SLC9A9: variants seen among roughly 807,000 people sequenced by gnomAD.
SLC9A9 encodes sodium/hydrogen exchanger 9.
In SLC9A9, 62 loss-of-function variants were observed where a neutral mutation model predicts 77.8. That is an observed-to-expected ratio of 0.80 (90% CI 0.65 to 0.98). The LOEUF is 0.98. Ranked by LOEUF, SLC9A9 falls within the 50% of genes least tolerant of loss-of-function variation. The pLI is 0.00. For synonymous variants in SLC9A9, 320 were observed against 283.5 expected, an observed-to-expected ratio of 1.13 and a Z score of -1.29; for missense variants, 775 against 774.9, an observed-to-expected ratio of 1.00 and a Z score of 0.00.
At chr3:143,555,606 T>C (rs1576574409) in intron 8 of SLC9A9, among the ~76,000 whole-genome samples, 2 of 152,342 alleles carry the variant, frequency 1.3e-5, no homozygotes, top group Middle Eastern at 3.4e-3. Context: ...TTTCTGCCTA[T>C]ATTAGACCAT....
chr3:143,786,710 G>T (rs894308434), intron 4 of SLC9A9, among the ~76,000 whole-genome samples: 2 of 152,142 alleles, frequency 1.3e-5, no homozygotes, highest in African/African-American at 4.8e-5. Context: ...TTATTTGGCT[G>T]TGTCAGGGCA....
intron 12 of SLC9A9, among the ~76,000 whole-genome samples, chr3:143,461,988 T>C (rs1255917527): frequency 1.3e-5 from 2 of 152,316 alleles, no homozygotes; most frequent in Non-Finnish European, 2.9e-5. Context: ...TAAAACTTTG[T>C]AGCCAATGGG....
intron 12 of SLC9A9, among the ~76,000 whole-genome samples, chr3:143,398,816 AAC>A (rs949035096): frequency 6.6e-6 from 1 of 152,208 alleles, no homozygotes; most frequent in African/African-American, 2.4e-5. Flanking sequence ...TGGGATATAT[AAC>A]AGTTGCCAAA....
At chr3:143,662,470 C>T (rs1343067506) in intron 5 of SLC9A9, among the ~76,000 whole-genome samples, 2 of 152,160 alleles carry the variant, frequency 1.3e-5, no homozygotes, top group Non-Finnish European at 2.9e-5. Context: ...TGGGCGCAGC[C>T]CACAGAGTGT....
At chr3:143,705,846 C>A (rs2108792515) in intron 4 of SLC9A9, among the ~76,000 whole-genome samples, 1 of 152,286 alleles carries the variant, frequency 6.6e-6, no homozygotes, top group Admixed American at 6.5e-5. Context: ...GTATACTTTA[C>A]TAGGTCCATG....
chr3:143,817,297 C>T (rs903975893), intron 2 of SLC9A9, among the ~76,000 whole-genome samples: 11 of 150,590 alleles, frequency 7.3e-5, no homozygotes, highest in South Asian at 2.1e-4. Context: ...TACAGGCGCC[C>T]GCCACCGCGC....
intron 4 of SLC9A9, among the ~76,000 whole-genome samples, chr3:143,702,873 G>A (rs1933845066): frequency 6.6e-6 from 1 of 151,970 alleles, no homozygotes; most frequent in Admixed American, 6.6e-5. Context: ...AAAATAAAGG[G>A]ATGGAAAAAG....
At chr3:143,697,358 C>A (rs959118242) in intron 4 of SLC9A9, among the ~76,000 whole-genome samples, 1 of 152,006 alleles carries the variant, frequency 6.6e-6, no homozygotes, top group Admixed American at 6.6e-5. Flanking sequence ...ATGACTCCTC[C>A]TTTTTGCTTT....
chr3:143,596,999 CT>C lies in SLC9A9; in HGVS notation c.756-18277del, dbSNP rs903641156. Among the ~76,000 whole-genome samples the C allele has an allele frequency of 1.3e-3, 197 of 151,694 alleles. 2 individuals are homozygous for C. Among genetic ancestry groups the C allele is most frequent in the African/African-American group, 4.4e-3 (180 of 41,358 alleles). Reference sequence around the variant, plus strand: ...GTCTTAAACATATGTCACGGTAAATCTTTTTTTTTCTTCTATGTTCCTCTTC... The same window carrying C: ...GTCTTAAACATATGTCACGGTAAATCTTTTTTTTCTTCTATGTTCCTCTTC... On this transcript the variant is annotated intron_variant, in intron 6 of 15. Transcript: ENST00000316549.
intron 9 of SLC9A9, chr3:143,517,557 G>A: frequency 6.3e-7 from 1 of 1,597,574 alleles, no homozygotes; most frequent in Non-Finnish European, 8.5e-7. Flanking sequence ...GCCCTAGGTT[G>A]AACTTCTTTC....
At chr3:143,366,502 C>T (rs953777215) in intron 13 of SLC9A9, among the ~76,000 whole-genome samples, 11 of 152,188 alleles carry the variant, frequency 7.2e-5, no homozygotes, top group African/African-American at 1.7e-4. Context: ...TAATAGACTA[C>T]GTAACTTCAT....
intron 6 of SLC9A9, among the ~76,000 whole-genome samples, chr3:143,586,931 C>T (rs1370326588): frequency 6.6e-6 from 1 of 152,210 alleles, no homozygotes; most frequent in Non-Finnish European, 1.5e-5. Flanking sequence ...CCTGCAGAGT[C>T]AAGAGCTGTG....
intron 12 of SLC9A9, among the ~76,000 whole-genome samples, chr3:143,452,575 A>T (rs951385230): frequency 2.0e-5 from 3 of 151,652 alleles, no homozygotes; most frequent in African/African-American, 4.8e-5. Flanking sequence ...AAAATATCTT[A>T]TAAGTTTTTG....
intron 4 of SLC9A9, among the ~76,000 whole-genome samples, chr3:143,787,667 T>C (rs575283921): frequency 2.8e-3 from 424 of 152,316 alleles, no homozygotes; most frequent in African/African-American, 9.7e-3. Context: ...TTATGTTATG[T>C]GAATTTATTT....
chr3:143,330,015 G>A (rs2108453469), intron 14 of SLC9A9, among the ~76,000 whole-genome samples: 1 of 152,296 alleles, frequency 6.6e-6, no homozygotes, highest in Admixed American at 6.5e-5. Context: ...GAAAATGCTG[G>A]CGGCGCTATT....
chr3:143,646,531 TA>T (rs1362599324), intron 6 of SLC9A9, among the ~76,000 whole-genome samples: 1 of 149,686 alleles, frequency 6.7e-6, no homozygotes, highest in Non-Finnish European at 1.5e-5. Flanking sequence ...CCCATCAATA[TA>T]TTTTTTCTTT....
intron 6 of SLC9A9, among the ~76,000 whole-genome samples, chr3:143,621,073 C>T (rs1357002688): frequency 1.3e-5 from 2 of 152,154 alleles, no homozygotes; most frequent in East Asian, 1.9e-4. Context: ...GGGGGAGGGG[C>T]GCCCACCATT....
intron 4 of SLC9A9, among the ~76,000 whole-genome samples, chr3:143,760,527 C>G (rs1268381672): frequency 6.6e-6 from 1 of 152,114 alleles, no homozygotes; most frequent in Non-Finnish European, 1.5e-5. Context: ...GTGCAAAAAT[C>G]ACAAGCATTC....
At chr3:143,377,697 G>C (rs1447671263) in intron 13 of SLC9A9, among the ~76,000 whole-genome samples, 1 of 152,174 alleles carries the variant, frequency 6.6e-6, no homozygotes, top group African/African-American at 2.4e-5. Context: ...CACAACAGCT[G>C]GCAGGGTGGA....
Sources: allele counts gnomAD v4.1 joint callset (sites outside exome capture counted in the v4.1 genomes callset), GRCh38; gene constraint gnomAD v4.1.1; transcripts MANE v1.5; gene names NCBI Gene and HGNC (gene_info 2026-07-23, HGNC 2026-07-21).